Variants in CSMD1 observed in about 807,000 individuals in gnomAD.
CSMD1 encodes the protein CUB and Sushi multiple domains 1, also known as CUB and sushi domain-containing protein 1.
In CSMD1, 213 loss-of-function variants were observed where a neutral mutation model predicts 417.5. That is an observed-to-expected ratio of 0.51 (90% CI 0.46 to 0.57). CSMD1 has a LOEUF of 0.57. CSMD1 is among the 20% of genes least tolerant of loss of function. The probability of loss-of-function intolerance (pLI) is 0.00; values close to 1 mark genes in which losing one functional copy is unlikely to be tolerated. For synonymous variants in CSMD1, 2,862 were observed against 1,736.8 expected, an observed-to-expected ratio of 1.65 and a Z score of -16.11; for missense variants, 6,923 against 4,529.7, an observed-to-expected ratio of 1.53 and a Z score of -15.17.
intron 7 of CSMD1, among the ~76,000 whole-genome samples, chr8:3,692,445 A>AT (rs34507049): frequency 0.052 from 7,680 of 147,372 alleles, 613 homozygotes; most frequent in African/African-American, 0.17. Flanking sequence ...TTTAACAATA[A>AT]TTTTTTTTTT....
chr8:3,375,365 C>T (rs900104089), intron 18 of CSMD1: 4 of 152,286 alleles, frequency 2.6e-5, no homozygotes, highest in Non-Finnish European at 4.4e-5. Context: ...TGTGAAAGCA[C>T]AGCCTTGGGC....
At chr8:4,267,944 C>G (rs1804323985) in intron 3 of CSMD1, among the ~76,000 whole-genome samples, 1 of 151,982 alleles carries the variant, frequency 6.6e-6, no homozygotes, top group Non-Finnish European at 1.5e-5. Flanking sequence ...CATATATATT[C>G]AAACTACATT....
chr8:4,795,885 T>C (rs968974872), intron 1 of CSMD1, among the ~76,000 whole-genome samples: 11 of 152,306 alleles, frequency 7.2e-5, no homozygotes, highest in African/African-American at 2.6e-4. Flanking sequence ...GTTGTTCTCA[T>C]GTTAAGGTAG....
intron 10 of CSMD1, among the ~76,000 whole-genome samples, chr8:3,515,631 G>C (rs1410304432): frequency 1.3e-5 from 2 of 152,182 alleles, no homozygotes; most frequent in African/African-American, 2.4e-5. Flanking sequence ...TACTTGGCAG[G>C]CCACTGGAAA....
intron 5 of CSMD1, among the ~76,000 whole-genome samples, chr8:3,961,549 G>T (rs376456939): frequency 2.8e-4 from 42 of 152,242 alleles, no homozygotes; most frequent in African/African-American, 9.9e-4. Flanking sequence ...ATCTATCCTA[G>T]GCAGAAATTT....
At chr8:3,313,949 G>C (rs1006228978) in intron 23 of CSMD1, among the ~76,000 whole-genome samples, 1 of 152,156 alleles carries the variant, frequency 6.6e-6, no homozygotes, top group Non-Finnish European at 1.5e-5. Flanking sequence ...CATAAAAAAT[G>C]ATGAGTTCAT....
intron 7 of CSMD1, among the ~76,000 whole-genome samples, chr8:3,647,233 C>A (rs1241577511): frequency 3.3e-5 from 5 of 152,300 alleles, no homozygotes; most frequent in African/African-American, 9.6e-5. Flanking sequence ...TGTGAAACTT[C>A]AGCAAGGGAT....
chr8:4,973,388 T>A (rs1457560004), intron 1 of CSMD1, among the ~76,000 whole-genome samples: 1 of 152,202 alleles, frequency 6.6e-6, no homozygotes, highest in Non-Finnish European at 1.5e-5. Flanking sequence ...AATTTACTTA[T>A]AAATACTATT....
At chr8:3,810,943 G>A (rs1190614013) in intron 5 of CSMD1, among the ~76,000 whole-genome samples, 1 of 152,174 alleles carries the variant, frequency 6.6e-6, no homozygotes, top group African/African-American at 2.4e-5. Context: ...TTGAAATGGG[G>A]ATAATAACGT....
At position 3,698,359 on chromosome 8, in the gene CSMD1, T is replaced by A. The variant is rs529358851; in HGVS notation, c.1009+10055A>T. On this transcript the variant is annotated intron_variant, in intron 7 of 69. Coordinates refer to ENST00000635120, the MANE Select transcript of CSMD1 (RefSeq NM_033225.6). The stretch of plus-strand genomic sequence containing the variant: ...GGTCTTTAACAATTGCAAAACTCCA[T>A]TATTACATTTTATGATGGAGCAAAC... 3.9e-4 allele frequency among the ~76,000 whole-genome samples: 59 copies of A among 152,352 alleles called. 1 individual carries two copies. In the South Asian group the frequency reaches 4.8e-3, roughly 12 times the overall value.
At chr8:3,427,379 G>C (rs758470425) in intron 12 of CSMD1, among the ~76,000 whole-genome samples, 1 of 151,960 alleles carries the variant, frequency 6.6e-6, no homozygotes, top group African/African-American at 2.4e-5. Context: ...TAAAAAGATG[G>C]TCCCTGTCTC....
At chr8:4,416,068 A>G (rs1355382974) in intron 3 of CSMD1, among the ~76,000 whole-genome samples, 1 of 152,220 alleles carries the variant, frequency 6.6e-6, no homozygotes, top group African/African-American at 2.4e-5. Flanking sequence ...AAGAAAAGAC[A>G]TGAATAAAGT....
At chr8:3,284,043 A>T in intron 26 of CSMD1, 101 bp downstream of exon 26, 1 of 963,954 alleles carries the variant, frequency 1.0e-6, no homozygotes, top group Non-Finnish European at 1.6e-6. Context: ...AATAAATTGC[A>T]TCTGTGTAAG....
chr8:4,523,328 G>C (rs764865994), intron 2 of CSMD1, among the ~76,000 whole-genome samples: 1 of 152,232 alleles, frequency 6.6e-6, no homozygotes, highest in East Asian at 1.9e-4. Context: ...ATACATAATA[G>C]ACTCAGCCTG....
chr8:3,658,488 T>G (rs1214309300), intron 7 of CSMD1, among the ~76,000 whole-genome samples: 1 of 108,318 alleles, frequency 9.2e-6, no homozygotes, highest in East Asian at 2.5e-4. Flanking sequence ...ATATTTAATT[T>G]AAAGCTTTCC....
At chr8:4,931,422 G>A in intron 1 of CSMD1, among the ~76,000 whole-genome samples, 1 of 152,108 alleles carries the variant, frequency 6.6e-6, no homozygotes, top group South Asian at 2.1e-4. Context: ...TTTGCTGGCT[G>A]GTTACCTTTA....
intron 3 of CSMD1, among the ~76,000 whole-genome samples, chr8:4,317,246 C>CTT (rs148403961): frequency 6.6e-6 from 1 of 151,844 alleles, no homozygotes; most frequent in African/African-American, 2.4e-5. Flanking sequence ...GGGAATTTTT[C>CTT]TTTTTTTTAC....
Position 3,000,129 on chromosome 8 carries a change from C to T in CSMD1, c.8032G>A (p.Gly2678Ser). 2 of 1,532,314 alleles carry T rather than the reference C, an allele frequency of 1.3e-6. No individual in the cohort carries two copies. Among genetic ancestry groups the T allele is most frequent in the Non-Finnish European group, 1.8e-6 (2 of 1,135,766 alleles). 94.9% of individuals were successfully genotyped at this position (1,532,314 alleles called of 1,614,324 possible). A position where few individuals can be genotyped will look rare whatever the true frequency, so the allele number is the denominator to read the frequency against. The change falls in exon 53 of 70, where the codon GGC becomes AGC. Residue 2678 changes from glycine to serine, a missense_variant and splice_region_variant. Gly to Ser is a moderately conservative substitution (Grantham distance 56). Transcript: ENST00000635120. ...ATCGGGTCTGGGGAACCGCAGTGGC[C>T]AGCTAAAAATGTTAAACCAATTTTA... ...WSGSETRCLAGHCGSPDPIVN... is the reference protein window; with the variant it reads ...WSGSETRCLASHCGSPDPIVN...
intron 2 of CSMD1, among the ~76,000 whole-genome samples, chr8:4,545,462 G>A (rs549011111): frequency 3.4e-4 from 51 of 152,188 alleles, no homozygotes; most frequent in African/African-American, 1.0e-3. Flanking sequence ...GGAAGGGCTC[G>A]TTTACCTACT....
Sources: allele counts gnomAD v4.1 joint callset (sites outside exome capture counted in the v4.1 genomes callset), GRCh38; gene constraint gnomAD v4.1.1; transcripts MANE v1.5; gene names NCBI Gene and HGNC (gene_info 2026-07-23, HGNC 2026-07-21).